DGAT2L6: variants seen among roughly 807,000 people sequenced by gnomAD.
The protein encoded by DGAT2L6 is diacylglycerol O-acyltransferase 2 like 6, also known as diacylglycerol O-acyltransferase 2-like protein 6.
DGAT2L6 carries 22 observed loss-of-function variants against 25.5 expected under a neutral mutation model. That is an observed-to-expected ratio of 0.86 (90% CI 0.62 to 1.23). The LOEUF (loss-of-function observed/expected upper bound fraction) is 1.23. Among genes scored for constraint, DGAT2L6 ranks in the 50% most tolerant of loss-of-function variants. DGAT2L6 has a pLI of 0.00. For missense variants in DGAT2L6, 287 were observed against 253.2 expected (o/e 1.13, Z -0.91); for synonymous variants, 100 against 94.7 (o/e 1.06, Z -0.32).
rs35142503 is a variant in DGAT2L6, at chrX:70,205,017, G to A, written c.925G>A (p.Ala309Thr). The A allele has an allele frequency of 8.3e-5, 100 of 1,204,658 alleles. No individual in the cohort carries two copies. The African/African-American group carries it at 1.3e-3, about 15-fold the overall frequency. Residue 309 changes from alanine (A) to threonine (T), a missense_variant, in exon 7 of 7, where the codon GCA becomes ACA. Physicochemically the swap from Ala to Thr is moderately conservative, Grantham distance 58. Transcript: ENST00000333026. ...PNQKTVDKYH[A>T]LYISALRKLF... ...CCAGAAGACAGTAGACAAGTATCAC[G>A]CACTCTACATCAGTGCCCTGCGCAA...
At chrX:70,193,838 C>A (rs2085382918) in intron 1 of DGAT2L6, among the ~76,000 whole-genome samples, 1 of 111,869 alleles carries the variant, frequency 8.9e-6, no homozygotes, top group Non-Finnish European at 1.9e-5. Flanking sequence ...AGATTAGAAA[C>A]AAGGCAAGGG....
intron 4 of DGAT2L6, among the ~76,000 whole-genome samples, 156 bp downstream of exon 4, chrX:70,200,615 T>C (rs965891731): frequency 6.3e-5 from 7 of 111,598 alleles, no homozygotes; most frequent in Non-Finnish European, 1.3e-4. Context: ...TAAGCATTAG[T>C]TTCTGTCCAA....
rs772507703 is a variant in DGAT2L6 at position 70,200,406 on chromosome X, C to T, written c.419C>T (p.Thr140Ile). ...IFPSITPFVGTLERIFWIPIV... is the reference protein window; with the variant it reads ...IFPSITPFVGILERIFWIPIV... ...CCATCCATCACTCCCTTTGTAGGGA[C>T]CTTAGAAAGGATATTTTGGATCCCA... Residue 140 changes from threonine to isoleucine, a missense_variant, in exon 4 of 7, where the codon ACC becomes ATC. Coordinates refer to ENST00000333026, the MANE Select transcript of DGAT2L6 (RefSeq NM_198512.3). The T allele has an allele frequency of 2.5e-6, 3 of 1,211,755 alleles. No homozygotes were observed. The highest frequency in any genetic ancestry group is 5.9e-5 in the East Asian group (2 of 33,853).
In DGAT2L6 at chrX:70,200,345, T is replaced by A. The variant is rs2085405744; in HGVS notation, c.358T>A (p.Phe120Ile). 1 of 1,209,474 alleles carries A rather than the reference T, an allele frequency of 8.3e-7. No individual in the cohort carries two copies. ...TCTCTCTTTTGGTGTCTTCATCAAC[T>A]TTGCCACTGAGGCCACTGGCATTGC... ...GILSFGVFIN[F>I]ATEATGIARI... The change falls in exon 4 of 7, where the codon TTT becomes ATT. Residue 120 changes from phenylalanine (F) to isoleucine (I), a missense_variant. By Grantham distance (21) the Phe-to-Ile change is conservative (BLOSUM62 0). Transcript: ENST00000333026.
intron 5 of DGAT2L6, among the ~76,000 whole-genome samples, chrX:70,203,827 G>A (rs777177295): frequency 1.5e-4 from 17 of 110,781 alleles, no homozygotes; most frequent in South Asian, 3.9e-4. Context: ...AGATACTTCC[G>A]ACAGAGGGAG....
At chrX:70,178,491 G>T (rs1200005471) in intron 1 of DGAT2L6, among the ~76,000 whole-genome samples, 2 of 111,086 alleles carry the variant, frequency 1.8e-5, no homozygotes, top group Non-Finnish European at 3.8e-5. Flanking sequence ...AGGCTGGAGT[G>T]CAAACGGCAA....
chrX:70,192,784 C>T (rs1270242963), intron 1 of DGAT2L6, among the ~76,000 whole-genome samples: 3 of 110,979 alleles, frequency 2.7e-5, no homozygotes, highest in African/African-American at 9.8e-5. Context: ...ACAAAAGTAA[C>T]AAACCCTTAG....
In DGAT2L6 at chrX:70,201,939, A is replaced by C. The variant is rs1411548315; in HGVS notation, c.522A>C (p.Lys174Asn). ...SSALKYLLTQ[K>N]GSGNAVVIVV... is the part of the protein sequence containing the mutation. ...CCTTGAAGTACTTGCTGACCCAGAA[A>C]GGCTCAGGCAATGCCGTGGTTATTG... The change falls in exon 5 of 7, where the codon AAA (lysine) becomes AAC (asparagine). Residue 174 changes from lysine to asparagine, a missense_variant. By Grantham distance (94) the Lys-to-Asn change is moderately conservative. Coordinates refer to ENST00000333026, the MANE Select transcript of DGAT2L6 (RefSeq NM_198512.3). 1 of 1,205,184 alleles carries C rather than the reference A, an allele frequency of 8.3e-7. No individual in the cohort carries two copies. Among genetic ancestry groups the C allele is most frequent in the African/African-American group, 1.8e-5 (1 of 56,860 alleles).
chrX:70,185,492 A>C (rs1226257909), intron 1 of DGAT2L6, among the ~76,000 whole-genome samples: 1 of 112,126 alleles, frequency 8.9e-6, no homozygotes, highest in Non-Finnish European at 1.9e-5. Context: ...TAGTTTCTTC[A>C]TCTGTAAAAC....
chrX:70,178,489 GT>G (rs1214871306), intron 1 of DGAT2L6, among the ~76,000 whole-genome samples: 2 of 111,188 alleles, frequency 1.8e-5, no homozygotes, highest in Admixed American at 9.6e-5. Context: ...CCAGGCTGGA[GT>G]GCAAACGGCA....
Position 70,205,122 on chromosome X carries a change from C to A in DGAT2L6, c.*16C>A, listed in dbSNP as rs777265268. ...AATTACATAACAGGAGCCACATTCC[C>A]CATTGATCAACCCCCAAAGCCATGA... On this transcript the variant is annotated 3_prime_UTR_variant, in exon 7 of 7. Coordinates refer to ENST00000333026, the MANE Select transcript of DGAT2L6 (RefSeq NM_198512.3). 4 of 1,174,544 alleles carry A rather than the reference C, an allele frequency of 3.4e-6. No homozygotes were observed. Among genetic ancestry groups the A allele is most frequent in the South Asian group, 2.1e-5 (1 of 47,824 alleles).
At chrX:70,196,565 A>C (rs768227754) in intron 1 of DGAT2L6, among the ~76,000 whole-genome samples, 21 of 109,595 alleles carry the variant, frequency 1.9e-4, no homozygotes, top group Non-Finnish European at 3.6e-4. Flanking sequence ...ATAGGGGAAA[A>C]ATCTTCATGA....
At chrX:70,189,645 G>T (rs1337255191) in intron 1 of DGAT2L6, among the ~76,000 whole-genome samples, 2 of 111,715 alleles carry the variant, frequency 1.8e-5, no homozygotes, top group African/African-American at 6.5e-5. Context: ...CCCAAATTTG[G>T]TAATAGCATT....
chrX:70,191,054 A>G (rs144235868), intron 1 of DGAT2L6, among the ~76,000 whole-genome samples: 3 of 112,500 alleles, frequency 2.7e-5, no homozygotes, highest in African/African-American at 9.7e-5. Context: ...ATCACTCTAT[A>G]AAGACTGATT....
At chrX:70,193,072 G>GA (rs1329554789) in intron 1 of DGAT2L6, among the ~76,000 whole-genome samples, 1 of 110,875 alleles carries the variant, frequency 9.0e-6, no homozygotes, top group African/African-American at 3.3e-5. Context: ...AAAAGCCCAG[G>GA]ACCAGACAGC....
At chrX:70,188,868 A>T (rs767068614) in intron 1 of DGAT2L6, among the ~76,000 whole-genome samples, 28 of 107,298 alleles carry the variant, frequency 2.6e-4, no homozygotes, top group Non-Finnish European at 4.2e-4. Flanking sequence ...GCATGAAAAA[A>T]CCCCATGTAA....
chrX:70,189,808 G>A (rs900600559), intron 1 of DGAT2L6, among the ~76,000 whole-genome samples: 1 of 111,532 alleles, frequency 9.0e-6, no homozygotes, highest in African/African-American at 3.3e-5. Context: ...TAAATCAAAC[G>A]TAAAATGTTG....
intron 3 of DGAT2L6, 149 bp downstream of exon 3, chrX:70,200,031 C>A: frequency 1.5e-6 from 1 of 666,417 alleles, no homozygotes; most frequent in Non-Finnish European, 2.2e-6. Flanking sequence ...GATGGATGGG[C>A]AGGTGGGGAA....
intron 1 of DGAT2L6, among the ~76,000 whole-genome samples, chrX:70,189,603 T>G (rs1199038328): frequency 8.9e-6 from 1 of 111,983 alleles, no homozygotes; most frequent in East Asian, 2.8e-4. Flanking sequence ...TCAGGCTATA[T>G]TAGGTAATAG....
Sources: allele counts gnomAD v4.1 joint callset (sites outside exome capture counted in the v4.1 genomes callset), GRCh38; gene constraint gnomAD v4.1.1; transcripts MANE v1.5; gene names NCBI Gene and HGNC (gene_info 2026-07-23, HGNC 2026-07-21).